Variants in UBE2D4 observed in about 807,000 individuals in gnomAD.
UBE2D4 encodes ubiquitin conjugating enzyme E2 D4.
UBE2D4 carries 17 observed loss-of-function variants against 23.0 expected under a neutral mutation model. The observed-to-expected ratio is 0.74, with a 90% CI of 0.51 to 1.11. UBE2D4 has a LOEUF of 1.11. Among genes scored for constraint, UBE2D4 ranks in the 50% least tolerant of loss-of-function variants. The pLI is 0.00. For synonymous variants in UBE2D4, 61 were observed against 69.4 expected, an observed-to-expected ratio of 0.88 and a Z score of 0.60; for missense variants, 139 against 181.8, an observed-to-expected ratio of 0.76 and a Z score of 1.35.
Position 43,956,134 on chromosome 7 carries a change from C to G in UBE2D4, c.*3439C>G, listed in dbSNP as rs896679994. On this transcript the variant is annotated 3_prime_UTR_variant, in exon 7 of 7. Transcript: ENST00000222402. The stretch of plus-strand genomic sequence containing the variant: ...AGCTATAAAAAATCTGCAAAACACC[C>G]TATCAGAAGTCAATGATTTCCTTAA... The G allele has an allele frequency of 2.0e-5, 3 of 152,230 alleles. No individual in the cohort carries two copies. Among genetic ancestry groups the G allele is most frequent in the African/African-American group, 7.2e-5 (3 of 41,448 alleles). The allele number at this position is 152,230 out of a possible 1,614,324, so 9.4% of individuals were successfully genotyped here. A position where few individuals can be genotyped will look rare whatever the true frequency, so the allele number is the denominator to read the frequency against.
Position 43,955,536 on chromosome 7 carries a change from C to T in UBE2D4, c.*2841C>T, listed in dbSNP as rs1205703464. On this transcript the variant is annotated 3_prime_UTR_variant, in exon 7 of 7. Transcript: ENST00000222402. ...CAAATGTCCAACAGGCCTGGTAGCT[C>T]ACAGCTATCAACACCCTAGAATTCC... The T allele has an allele frequency of 1.3e-5, 2 of 152,176 alleles. No individual in the cohort carries two copies. The highest frequency in any genetic ancestry group is 2.9e-5 in the Non-Finnish European group (2 of 68,028). 9.4% of individuals were successfully genotyped at this position (152,176 alleles called of 1,614,324 possible). A position where few individuals can be genotyped will look rare whatever the true frequency, so the allele number is the denominator to read the frequency against.
intron 1 of UBE2D4, among the ~76,000 whole-genome samples, chr7:43,933,070 C>CAT (rs1157060285): frequency 1.4e-5 from 2 of 143,904 alleles, no homozygotes; most frequent in African/African-American, 2.6e-5. Flanking sequence ...TATATACACA[C>CAT]ATATATATAC....
At position 43,952,911 on chromosome 7, in the gene UBE2D4, ATTG is replaced by A. The variant is rs1031239052; in HGVS notation, c.*222_*224del. ...CCTCTTTGATGCCAAATCAGCAACC[ATTG>A]TTGTTATGATCTGCAGTCTTCCTGG... On this transcript the variant is annotated 3_prime_UTR_variant, in exon 7 of 7. Coordinates refer to ENST00000222402, the MANE Select transcript of UBE2D4 (RefSeq NM_015983.4). The A allele has an allele frequency of 1.5e-4, 75 of 507,476 alleles. 2 individuals carry two copies. The highest frequency in any genetic ancestry group is 1.1e-3 in the African/African-American group (58 of 51,456). 31.4% of individuals were successfully genotyped at this position (507,476 alleles called of 1,614,324 possible).
At chr7:43,939,293 G>A (rs1467696144) in intron 2 of UBE2D4, among the ~76,000 whole-genome samples, 5 of 152,248 alleles carry the variant, frequency 3.3e-5, no homozygotes, top group South Asian at 2.1e-4. Flanking sequence ...CTTCCCTGGC[G>A]GAGACTGAAG....
rs57093593 is a variant in UBE2D4 at position 43,932,984 on chromosome 7, GTATATATATATATA to G, written c.25-5430_25-5417del. On this transcript the variant is annotated intron_variant, in intron 1 of 6. Coordinates refer to ENST00000222402, the MANE Select transcript of UBE2D4 (RefSeq NM_015983.4). ...CCTCCTGGGGGCAACAAATGTTAAA[GTATATATATATATA>G]TATATATATATATATACACACACAT... 9.6e-4 allele frequency among the ~76,000 whole-genome samples: 82 copies of G among 85,812 alleles called. 2 individuals are homozygous for G. Among genetic ancestry groups the G allele is most frequent in the South Asian group, 3.6e-3 (6 of 1,672 alleles). The allele number at this position is 85,812 out of a possible 152,430, so 56.3% of individuals were successfully genotyped here. A position where few individuals can be genotyped will look rare whatever the true frequency, so the allele number is the denominator to read the frequency against.
chr7:43,948,760 C>G (rs1461607369), intron 5 of UBE2D4, 23 bp downstream of exon 5: 4 of 1,545,626 alleles, frequency 2.6e-6, no homozygotes, highest in Admixed American at 3.3e-5. Context: ...ATGGCATGCT[C>G]TGTGTGCTCT....
chr7:43,943,410 T>G, intron 4 of UBE2D4: 1 of 300,360 alleles, frequency 3.3e-6, no homozygotes, highest in South Asian at 5.0e-5. Flanking sequence ...GAGCAACATC[T>G]TAGGATATTT....
rs79518934 is a variant in UBE2D4, at chr7:43,943,023, C to A, written c.190C>A (p.Pro64Thr). Residue 64 changes from proline to threonine, a missense_variant, in exon 4 of 7, where the codon CCC becomes ACC. Transcript: ENST00000222402. Reference sequence around the variant, plus strand: ...CTTTCCTACAGATTACCCGTTCAAGCCCCCAAAGGTGAGGTCCCTCTCCCA... The same window carrying A: ...CTTTCCTACAGATTACCCGTTCAAGACCCCAAAGGTGAGGTCCCTCTCCCA... The part of the protein sequence containing the change: ...IHFPTDYPFK[P>T]PKVAFTTKIY... 1 of 1,614,134 alleles carries A rather than the reference C, an allele frequency of 6.2e-7. No homozygotes were observed.
intron 6 of UBE2D4, chr7:43,951,941 A>C (rs924873440): frequency 2.1e-4 from 32 of 152,196 alleles, no homozygotes; most frequent in African/African-American, 6.5e-4. Context: ...TTATTTTAAC[A>C]CTTTTTACAA....
At chr7:43,951,300 G>A (rs910081185) in intron 6 of UBE2D4, among the ~76,000 whole-genome samples, 3 of 152,208 alleles carry the variant, frequency 2.0e-5, no homozygotes, top group Non-Finnish European at 2.9e-5. Context: ...TCTGTAGTTG[G>A]TGGGGCAGGC....
chr7:43,947,654 A>G (rs926785334), intron 4 of UBE2D4, among the ~76,000 whole-genome samples: 12 of 152,234 alleles, frequency 7.9e-5, no homozygotes, highest in African/African-American at 2.7e-4. Flanking sequence ...ATACATGTGC[A>G]TGTGTCTTTA....
At chr7:43,952,486 G>C in intron 6 of UBE2D4, 164 bp from the exon 7 acceptor site, 1 of 662,262 alleles carries the variant, frequency 1.5e-6, no homozygotes. Context: ...TGTCTGATGT[G>C]CTCCTGCTCC....
rs754255867 is a variant in UBE2D4 at position 43,948,617 on chromosome 7, C to G, written c.199-15C>G. 3.2e-6 allele frequency: 5 copies of G among 1,558,566 alleles called. No homozygotes were observed. The East Asian group carries it at 1.1e-4, about 35-fold the overall frequency. ...CCCTGTGGTTTGTCTGATTGGGGATCTCTTGTCTTTGCAGGTTGCTTTCAC... is the reference window on the plus strand; with the variant it reads ...CCCTGTGGTTTGTCTGATTGGGGATGTCTTGTCTTTGCAGGTTGCTTTCAC... On this transcript the variant is annotated splice_polypyrimidine_tract_variant and intron_variant, in intron 4 of 6. Transcript: ENST00000222402.
rs929155626 is a variant in UBE2D4, at chr7:43,949,200, T to A, written c.304+463T>A. 2.1e-5 allele frequency: 4 copies of A among 192,628 alleles called. 1 individual carries two copies. In the South Asian group the frequency reaches 6.5e-4, roughly 31 times the overall value. 11.9% of individuals were successfully genotyped at this position (192,628 alleles called of 1,614,324 possible). ...CAAAATAAATGATGTTGAGCACATG[T>A]CTTTGGTTGAAGTTGAAGAAACCAG... On this transcript the variant is annotated intron_variant, in intron 5 of 6. Coordinates refer to ENST00000222402, the MANE Select transcript of UBE2D4 (RefSeq NM_015983.4).
rs549105347 is a variant in UBE2D4, at chr7:43,944,479, G to A, written c.198+1448G>A. 2 of 152,356 alleles carry A rather than the reference G, an allele frequency of 1.3e-5. No homozygotes were observed. Among genetic ancestry groups the A allele is most frequent in the East Asian group, 3.9e-4 (2 of 5,190 alleles). The allele number at this position is 152,356 out of a possible 1,614,324, so 9.4% of individuals were successfully genotyped here. On this transcript the variant is annotated intron_variant, in intron 4 of 6. Coordinates refer to ENST00000222402, the MANE Select transcript of UBE2D4 (RefSeq NM_015983.4). The surrounding 1 kb of genome is among the most constrained non-coding windows in gnomAD (Gnocchi z 4.0). ...ACTTGGCCTTGATGCCTCAATTTGA[G>A]TCAGAGGCTTAGCTGCTGTTTTGCA...
chr7:43,927,342 C>G (rs1389484615), intron 1 of UBE2D4, among the ~76,000 whole-genome samples: 1 of 143,076 alleles, frequency 7.0e-6, no homozygotes, highest in Non-Finnish European at 1.5e-5. Flanking sequence ...GTCGCCCAGG[C>G]TGGAGTATCG....
chr7:43,930,978 G>T (rs1407712980), intron 1 of UBE2D4, among the ~76,000 whole-genome samples: 1 of 152,006 alleles, frequency 6.6e-6, no homozygotes, highest in Non-Finnish European at 1.5e-5. Flanking sequence ...ACAAAAATTA[G>T]CTGGGTATGG....
intron 2 of UBE2D4, among the ~76,000 whole-genome samples, chr7:43,940,327 G>A (rs201063087): frequency 1.2e-4 from 19 of 152,228 alleles, no homozygotes; most frequent in East Asian, 7.7e-4. Context: ...ACCTCATGTC[G>A]TCCTCACAAG....
intron 4 of UBE2D4, among the ~76,000 whole-genome samples, chr7:43,947,648 A>C (rs2095991261): frequency 6.6e-6 from 1 of 152,226 alleles, no homozygotes; most frequent in African/African-American, 2.4e-5. Flanking sequence ...ATAAACATAC[A>C]TGTGCATGTG....
Sources: gnomAD v4.1 joint callset for allele counts (sites outside exome capture counted in the v4.1 genomes callset) on GRCh38, gnomAD v4.1.1 for gene constraint, Gnocchi (gnomAD v3.1) non-coding constraint, MANE v1.5 for transcripts, NCBI Gene and HGNC (gene_info 2026-07-23, HGNC 2026-07-21) for gene names.